Variants in VTCN1 observed in about 807,000 individuals in gnomAD.
The protein encoded by VTCN1 is V-set domain containing T cell activation inhibitor 1, also known as V-set domain-containing T-cell activation inhibitor 1.
A neutral mutation model predicts 26.5 loss-of-function variants in VTCN1; 26 were observed. The ratio of observed to expected loss-of-function variants is 0.98; its 90% CI spans 0.72 to 1.36. The LOEUF (loss-of-function observed/expected upper bound fraction) is 1.36. Ranked by LOEUF, VTCN1 falls within the 40% of genes most tolerant of loss-of-function variation. The pLI, the probability that VTCN1 is intolerant of heterozygous loss-of-function variation, is 0.00. For synonymous variants in VTCN1, 116 were observed against 130.7 expected (o/e 0.89, Z 0.77); for missense variants, 298 against 337.7 (o/e 0.88, Z 0.92).
At chr1:117,182,523 C>A (rs1319259328) in intron 1 of VTCN1, among the ~76,000 whole-genome samples, 2 of 152,160 alleles carry the variant, frequency 1.3e-5, no homozygotes, top group African/African-American at 4.8e-5. Context: ...GCTCTGGTAC[C>A]ATAACAACCC....
At position 117,174,181 on chromosome 1, in the gene VTCN1, T is replaced by A. The variant is rs571303203; in HGVS notation, c.33-4010A>T. Among the ~76,000 whole-genome samples the A allele has an allele frequency of 3.2e-4, 49 of 152,352 alleles. 1 individual carries two copies. The highest frequency in any genetic ancestry group is 3.0e-3 in the Admixed American group (46 of 15,296). On this transcript the variant is annotated intron_variant, in intron 1 of 5. Transcript: ENST00000369458. ...CAATAACTATGCTGCAGGAAATTTT[T>A]AATGCAAAACTATGTCTTCTAACCA... is the stretch of plus-strand genomic sequence containing the variant.
In VTCN1 at chr1:117,178,257, T is replaced by TC. The variant is rs1365521583; in HGVS notation, c.33-8087_33-8086insG. Among the ~76,000 whole-genome samples the TC allele has an allele frequency of 1.5e-3, 229 of 148,306 alleles. 1 individual carries two copies. Among genetic ancestry groups the TC allele is most frequent in the Non-Finnish European group, 3.0e-3 (201 of 67,416 alleles). On this transcript the variant is annotated intron_variant, in intron 1 of 5. Coordinates refer to ENST00000369458, the MANE Select transcript of VTCN1 (RefSeq NM_024626.4). Reference sequence around the variant, plus strand: ...TGTTTTTGTTCTTTCTTTCTTTTTTTTCTTTTTTTTTTTTTTTGAGATGGA... The same window carrying TC: ...TGTTTTTGTTCTTTCTTTCTTTTTTTCTCTTTTTTTTTTTTTTTGAGATGGA...
chr1:117,195,991 C>T (rs531352359), intron 1 of VTCN1, among the ~76,000 whole-genome samples: 1 of 152,128 alleles, frequency 6.6e-6, no homozygotes, highest in South Asian at 2.1e-4. Flanking sequence ...CCTCTACAAA[C>T]ATTTAAAAAA....
chr1:117,203,856 T>G, intron 1 of VTCN1: 2 of 896,752 alleles, frequency 2.2e-6, no homozygotes, highest in Non-Finnish European at 2.7e-6. Flanking sequence ...CCAGAATTTC[T>G]GATTCTTTGC....
At chr1:117,193,562 A>G (rs1021393824) in intron 1 of VTCN1, among the ~76,000 whole-genome samples, 1 of 86,636 alleles carries the variant, frequency 1.2e-5, no homozygotes, top group Non-Finnish European at 2.4e-5. Context: ...AATTGTAAAT[A>G]TATCTATGCA....
rs912130502 is a variant in VTCN1, at chr1:117,183,074, G to T, written c.33-12903C>A. Among the ~76,000 whole-genome samples the T allele has an allele frequency of 6.6e-6, 1 of 152,148 alleles. No individual in the cohort carries two copies. Among genetic ancestry groups the T allele is most frequent in the Non-Finnish European group, 1.5e-5 (1 of 68,020 alleles). On this transcript the variant is annotated intron_variant, in intron 1 of 5. Coordinates refer to ENST00000369458, the MANE Select transcript of VTCN1 (RefSeq NM_024626.4). The surrounding 1 kb of genome is among the most constrained non-coding windows in gnomAD (Gnocchi z 4.1). ...GATTTAAGCATAGAAAGCGAAGAAA[G>T]CATACTAAACCTGAAAGTTTGAATA...
Position 117,210,902 on chromosome 1 carries a change from T to G in VTCN1, c.-47A>C. On this transcript the variant is annotated 5_prime_UTR_variant, in exon 1 of 6. Transcript: ENST00000369458. ...TATCTGGGTACTGGCTGAGTGGAGCTGCCGCTGCCTTCCTTGGTGACTCAC... is the reference window on the plus strand; with the variant it reads ...TATCTGGGTACTGGCTGAGTGGAGCGGCCGCTGCCTTCCTTGGTGACTCAC... The G allele has an allele frequency of 6.2e-7, 1 of 1,605,234 alleles. No homozygotes were observed. Among genetic ancestry groups the G allele is most frequent in the South Asian group, 1.1e-5 (1 of 90,860 alleles).
At position 117,146,142 on chromosome 1, in the gene VTCN1, T is replaced by G. The variant is rs1032168031; in HGVS notation, c.*46-917A>C. Among the ~76,000 whole-genome samples, 1 of 152,216 alleles carries G rather than the reference T, an allele frequency of 6.6e-6. No individual in the cohort carries two copies. The highest frequency in any genetic ancestry group is 1.5e-5 in the Non-Finnish European group (1 of 68,038). On this transcript the variant is annotated intron_variant, in intron 5 of 5. Transcript: ENST00000369458. This position sits in a 1 kb window ranked among gnomAD's most constrained non-coding sequence, Gnocchi z 4.2. ...GAATACAAGGTAAAGATGAGTCAGC[T>G]ATGTTATATAGGACATATTATTTAG...
intron 2 of VTCN1, among the ~76,000 whole-genome samples, chr1:117,164,879 C>T (rs190991936): frequency 2.6e-5 from 4 of 152,336 alleles, no homozygotes; most frequent in African/African-American, 7.2e-5. Context: ...AACCCCTCAA[C>T]CTCTCTTTCA....
chr1:117,202,550 T>G (rs1163257524), intron 1 of VTCN1, among the ~76,000 whole-genome samples: 3 of 152,236 alleles, frequency 2.0e-5, no homozygotes, highest in Non-Finnish European at 1.5e-5. Context: ...TATCTTGGTA[T>G]AGTGGGGACA....
intron 1 of VTCN1, among the ~76,000 whole-genome samples, chr1:117,208,929 T>C (rs1395119147): frequency 6.6e-6 from 1 of 152,062 alleles, no homozygotes; most frequent in Admixed American, 6.5e-5. Flanking sequence ...CCAGGAGAGG[T>C]ATTTTTATGA....
intron 4 of VTCN1, among the ~76,000 whole-genome samples, chr1:117,149,263 C>A (rs1207201067): frequency 6.6e-6 from 1 of 151,522 alleles, no homozygotes; most frequent in East Asian, 1.9e-4. Flanking sequence ...ATCTACTCCC[C>A]ACACATATTG....
chr1:117,164,309 T>C (rs2101495746), intron 2 of VTCN1, among the ~76,000 whole-genome samples: 1 of 152,050 alleles, frequency 6.6e-6, no homozygotes, highest in Middle Eastern at 3.4e-3. Flanking sequence ...AAACTGGACT[T>C]GTCTAAGTCA....
At chr1:117,153,459 T>C in intron 3 of VTCN1, 90 bp from the exon 4 acceptor site, 1 of 1,321,610 alleles carries the variant, frequency 7.6e-7, no homozygotes, top group Non-Finnish European at 1.0e-6. Context: ...AAAAATGCAG[T>C]CATTTTTTTT....
intron 1 of VTCN1, among the ~76,000 whole-genome samples, chr1:117,178,610 T>TTTTA (rs60314298): frequency 1.3e-5 from 2 of 148,934 alleles, no homozygotes; most frequent in Admixed American, 6.7e-5. Flanking sequence ...TTTTTTTTTT[T>TTTTA]AGAGACAGGG....
chr1:117,170,613 G>A (rs1652859567), intron 1 of VTCN1, among the ~76,000 whole-genome samples: 1 of 151,972 alleles, frequency 6.6e-6, no homozygotes, highest in Non-Finnish European at 1.5e-5. Flanking sequence ...ACTCCATTAA[G>A]GACAATGGTC....
At chr1:117,205,070 T>C (rs1648975961) in intron 1 of VTCN1, among the ~76,000 whole-genome samples, 1 of 137,320 alleles carries the variant, frequency 7.3e-6, no homozygotes, top group East Asian at 2.1e-4. Context: ...TGTATATATG[T>C]ATATGTACAT....
chr1:117,147,960 T>C lies in VTCN1; in HGVS notation c.725-178A>G, dbSNP rs552679811. Among the ~76,000 whole-genome samples the C allele has an allele frequency of 3.7e-4, 57 of 152,350 alleles. 1 individual carries two copies. The South Asian group carries it at 0.012, about 32-fold the overall frequency. Reference sequence around the variant, plus strand: ...GCTTAAAAGTAGAGCTTTCTCTTTCTTCAAAGAAAATTCCATTCTGTGGTC... The same window carrying C: ...GCTTAAAAGTAGAGCTTTCTCTTTCCTCAAAGAAAATTCCATTCTGTGGTC... On this transcript the variant is annotated intron_variant, in intron 4 of 5. Transcript: ENST00000369458. This position sits in a 1 kb window ranked among gnomAD's most constrained non-coding sequence, Gnocchi z 4.6.
Position 117,210,822 on chromosome 1 carries a change from A to G in VTCN1, c.32+2T>C, listed in dbSNP as rs567693546. On this transcript the variant is annotated splice_donor_variant, in intron 1 of 5. Coordinates refer to ENST00000369458, the MANE Select transcript of VTCN1 (RefSeq NM_024626.4). LOFTEE classifies it high-confidence loss of function. ...AAGGATAGAGAGAAGAGTATATACT[A>G]CCTCCAGAAGAGGATCTGCCCCAGG... 32 of 1,613,964 alleles carry G rather than the reference A, an allele frequency of 2.0e-5. No homozygotes were observed. The South Asian group carries it at 3.1e-4, about 16-fold the overall frequency.
Sources: gnomAD v4.1 joint callset for allele counts (sites outside exome capture counted in the v4.1 genomes callset) on GRCh38, gnomAD v4.1.1 for gene constraint, Gnocchi (gnomAD v3.1) non-coding constraint, MANE v1.5 for transcripts, NCBI Gene and HGNC (gene_info 2026-07-23, HGNC 2026-07-21) for gene names.